USP13: variants seen among roughly 807,000 people sequenced by gnomAD.
USP13 encodes the protein ubiquitin specific peptidase 13.
A neutral mutation model predicts 107.8 loss-of-function variants in USP13; 68 were observed. The observed-to-expected ratio is 0.63, with a 90% confidence interval of 0.52 to 0.77. The LOEUF (loss-of-function observed/expected upper bound fraction) is 0.77. Among genes scored for constraint, USP13 ranks in the 30% least tolerant of loss-of-function variants. The pLI is 0.00. For synonymous variants in USP13, 377 were observed against 389.5 expected, an observed-to-expected ratio of 0.97 and a Z score of 0.38; for missense variants, 945 against 1,093.3, an observed-to-expected ratio of 0.86 and a Z score of 1.91.
chr3:179,728,937 A>C (rs1338926616), intron 8 of USP13, among the ~76,000 whole-genome samples: 1 of 151,882 alleles, frequency 6.6e-6, no homozygotes, highest in Non-Finnish European at 1.5e-5. Flanking sequence ...CATCAGAGGG[A>C]GACCGTGGAG....
At chr3:179,723,437 A>G (rs917787317) in intron 8 of USP13, among the ~76,000 whole-genome samples, 1 of 152,214 alleles carries the variant, frequency 6.6e-6, no homozygotes, top group Admixed American at 6.5e-5. Context: ...ACAGGCATTA[A>G]GAAAATAATC....
chr3:179,714,875 T>TC (rs1257436107), intron 6 of USP13, among the ~76,000 whole-genome samples: 4 of 150,402 alleles, frequency 2.7e-5, no homozygotes, highest in Admixed American at 6.6e-5. Context: ...TTTTTCTTTT[T>TC]TTTTTTTTTG....
chr3:179,742,401 A>C lies in USP13; in HGVS notation c.1534+51A>C, dbSNP rs748677031. On this transcript the variant is annotated intron_variant, in intron 12 of 20. Transcript: ENST00000263966. This position sits in a 1 kb window ranked among gnomAD's most constrained non-coding sequence, Gnocchi z 5.0. ...GTACTGTGTGTCTTCATATGGGAAA[A>C]CCCTCAAATCAGAGAGAATGGTTTA... The C allele has an allele frequency of 4.9e-5, 79 of 1,606,490 alleles. No individual in the cohort carries two copies. Among genetic ancestry groups the C allele is most frequent in the Non-Finnish European group, 6.4e-5 (75 of 1,174,988 alleles).
At chr3:179,783,882 T>C (rs1456718298) in intron 20 of USP13, among the ~76,000 whole-genome samples, 166 bp from the exon 21 acceptor site, 1 of 150,420 alleles carries the variant, frequency 6.6e-6, no homozygotes, top group Non-Finnish European at 1.5e-5. Context: ...AAAAAAGCAG[T>C]TGTGATTCCC....
At chr3:179,749,313 A>G (rs1714516121) in intron 13 of USP13, among the ~76,000 whole-genome samples, 1 of 152,222 alleles carries the variant, frequency 6.6e-6, no homozygotes, top group Non-Finnish European at 1.5e-5. Context: ...ATATGTCTTA[A>G]ATCATTTAAT....
At chr3:179,695,332 A>T (rs1432135256) in intron 3 of USP13, among the ~76,000 whole-genome samples, 1 of 152,222 alleles carries the variant, frequency 6.6e-6, no homozygotes, top group Admixed American at 6.5e-5. Flanking sequence ...CCATCAGCTC[A>T]ACAGTGACAT....
At chr3:179,681,820 T>C (rs1711666459) in intron 1 of USP13, 58 bp from the exon 2 acceptor site, 1 of 1,563,878 alleles carries the variant, frequency 6.4e-7, no homozygotes, top group African/African-American at 1.4e-5. Flanking sequence ...TCCCTCTTTC[T>C]ACATCTGACT....
chr3:179,764,112 A>G lies in USP13; in HGVS notation c.2203A>G (p.Ile735Val). The G allele has an allele frequency of 6.2e-7, 1 of 1,614,010 alleles. No individual in the cohort carries two copies. The highest frequency in any genetic ancestry group is 1.1e-5 in the South Asian group (1 of 91,072). Residue 735 changes from isoleucine to valine, a missense_variant, in exon 18 of 21, where the codon ATC becomes GTC. Transcript: ENST00000263966. ...DNQPPEEIVA[I>V]ITSMGFQRNQ... is the part of the protein sequence containing the mutation. ...CCAACCTCCAGAGGAAATCGTAGCT[A>G]TCATCACCTCCATGGGATTTCAGCG... is the stretch of plus-strand genomic sequence containing the variant.
chr3:179,782,405 C>T (rs1715779969), intron 20 of USP13, among the ~76,000 whole-genome samples: 1 of 152,154 alleles, frequency 6.6e-6, no homozygotes, highest in Non-Finnish European at 1.5e-5. Flanking sequence ...GCTTCTCAGC[C>T]TTCTTAAGTA....
At chr3:179,741,961 T>G (rs1194479886) in intron 11 of USP13, among the ~76,000 whole-genome samples, 1 of 152,202 alleles carries the variant, frequency 6.6e-6, no homozygotes, top group African/African-American at 2.4e-5. Context: ...GGTTTTTAAT[T>G]TAATAATATT....
At chr3:179,688,454 A>G (rs950370142) in intron 2 of USP13, among the ~76,000 whole-genome samples, 3 of 152,234 alleles carry the variant, frequency 2.0e-5, no homozygotes, top group Non-Finnish European at 2.9e-5. Context: ...AAGATGGAAC[A>G]TGTCTTCATT....
chr3:179,727,640 A>G (rs1248666893), intron 8 of USP13, among the ~76,000 whole-genome samples: 17 of 85,722 alleles, frequency 2.0e-4, no homozygotes, highest in Non-Finnish European at 3.1e-4. Flanking sequence ...ATTCCACAAA[A>G]CCGCCATTGT....
At chr3:179,726,355 T>G (rs897507970) in intron 8 of USP13, among the ~76,000 whole-genome samples, 1 of 152,192 alleles carries the variant, frequency 6.6e-6, no homozygotes, top group African/African-American at 2.4e-5. Flanking sequence ...AGTGGGCACA[T>G]GAAGGGCTGG....
At chr3:179,771,712 G>A (rs1475806478) in intron 19 of USP13, among the ~76,000 whole-genome samples, 1 of 152,192 alleles carries the variant, frequency 6.6e-6, no homozygotes, top group African/African-American at 2.4e-5. Flanking sequence ...AATAAGGTAG[G>A]TGTTATGAAG....
In USP13 at chr3:179,759,083, G is replaced by A. The variant is rs540567526; in HGVS notation, c.1948+2005G>A. On this transcript the variant is annotated intron_variant, in intron 16 of 20. Coordinates refer to ENST00000263966, the MANE Select transcript of USP13 (RefSeq NM_003940.3). The stretch of plus-strand genomic sequence containing the variant: ...TGCAACCTCTGCCTCCCGGGTTCAA[G>A]CAATTCTTCTGCCTCAGCCTCCCGA... 4.6e-5 allele frequency among the ~76,000 whole-genome samples: 7 copies of A among 152,188 alleles called. 2 individuals carry two copies. In the East Asian group the frequency reaches 1.2e-3, roughly 25 times the overall value.
chr3:179,698,101 G>A (rs1018754926), intron 3 of USP13, among the ~76,000 whole-genome samples: 1 of 152,192 alleles, frequency 6.6e-6, no homozygotes, highest in African/African-American at 2.4e-5. Context: ...GCCAGGCACA[G>A]TACAGGGGCT....
At chr3:179,709,171 A>G (rs1712834826) in intron 6 of USP13, among the ~76,000 whole-genome samples, 1 of 152,156 alleles carries the variant, frequency 6.6e-6, no homozygotes, top group African/African-American at 2.4e-5. Flanking sequence ...CGATGATGAT[A>G]CCTCTTTCCT....
intron 2 of USP13, among the ~76,000 whole-genome samples, chr3:179,686,961 T>C (rs1308657681): frequency 6.6e-6 from 1 of 152,260 alleles, no homozygotes; most frequent in East Asian, 1.9e-4. Flanking sequence ...CTCTTAGTTA[T>C]CGGCATTTCC....
At chr3:179,672,445 C>T (rs907840328) in intron 1 of USP13, among the ~76,000 whole-genome samples, 6 of 148,896 alleles carry the variant, frequency 4.0e-5, no homozygotes, top group Non-Finnish European at 8.9e-5. Context: ...AGTGCAATGG[C>T]GCGATCTTGG....
Sources: allele counts gnomAD v4.1 joint callset (sites outside exome capture counted in the v4.1 genomes callset), GRCh38; gene constraint gnomAD v4.1.1; non-coding constraint Gnocchi (gnomAD v3.1); transcripts MANE v1.5; gene names NCBI Gene and HGNC (gene_info 2026-07-23, HGNC 2026-07-21).